GRM7: variants seen among roughly 807,000 people sequenced by gnomAD.
The protein encoded by GRM7 is metabotropic glutamate receptor 7.
In GRM7, 35 loss-of-function variants were observed where a neutral mutation model predicts 84.5. That is an observed-to-expected ratio of 0.41 (90% CI 0.32 to 0.55). GRM7 has a LOEUF of 0.55. Among genes scored for constraint, GRM7 ranks in the 20% least tolerant of loss-of-function variants. GRM7 has a pLI of 0.19. For synonymous variants in GRM7, 487 were observed against 455.1 expected (o/e 1.07, Z -0.89); for missense variants, 1,003 against 1,194.6 (o/e 0.84, Z 2.36).
At chr3:6,984,575 C>T (rs1337055583) in intron 1 of GRM7, among the ~76,000 whole-genome samples, 2 of 152,114 alleles carry the variant, frequency 1.3e-5, no homozygotes, top group African/African-American at 4.8e-5. Context: ...TTATGAATCA[C>T]CTTTTTTTCT....
At chr3:6,923,774 C>T (rs542145013) in intron 1 of GRM7, among the ~76,000 whole-genome samples, 1 of 152,216 alleles carries the variant, frequency 6.6e-6, no homozygotes, top group Admixed American at 6.5e-5. Flanking sequence ...CATAAAATTT[C>T]ATTTTGTCAT....
chr3:7,029,301 C>CAAA (rs57622634), intron 1 of GRM7, among the ~76,000 whole-genome samples: 55 of 55,200 alleles, frequency 1.0e-3, no homozygotes, highest in African/African-American at 2.2e-3. Flanking sequence ...GACTCTGCCT[C>CAAA]AAAAAAAAAA....
intron 1 of GRM7, among the ~76,000 whole-genome samples, chr3:6,871,986 T>G (rs1695138385): frequency 6.6e-6 from 1 of 151,858 alleles, no homozygotes; most frequent in Non-Finnish European, 1.5e-5. Flanking sequence ...CCTTTCCACA[T>G]CAGAGAACAC....
chr3:7,432,416 G>A (rs966267820), intron 5 of GRM7, among the ~76,000 whole-genome samples: 1 of 152,114 alleles, frequency 6.6e-6, no homozygotes, highest in Non-Finnish European at 1.5e-5. Flanking sequence ...TGCCTCCTGG[G>A]TTCAAGTGAT....
chr3:6,882,106 A>G (rs1057200520), intron 1 of GRM7, among the ~76,000 whole-genome samples: 3 of 152,122 alleles, frequency 2.0e-5, no homozygotes, highest in African/African-American at 7.2e-5. Context: ...GTAAAAACTG[A>G]AAGAAATTAT....
intron 1 of GRM7, among the ~76,000 whole-genome samples, chr3:6,940,531 A>G (rs912920249): frequency 3.4e-4 from 52 of 152,232 alleles, no homozygotes; most frequent in Non-Finnish European, 3.7e-4. Flanking sequence ...GTCATATTCA[A>G]TAAGAAACTT....
intron 8 of GRM7, among the ~76,000 whole-genome samples, chr3:7,603,897 G>T (rs148974897): frequency 6.6e-6 from 1 of 152,150 alleles, no homozygotes; most frequent in Non-Finnish European, 1.5e-5. Context: ...GCACACATTT[G>T]TATGGAATAA....
At position 7,036,704 on chromosome 3, in the gene GRM7, A is replaced by G. The variant is rs984960196; in HGVS notation, c.520-109748A>G. Among the ~76,000 whole-genome samples, 13 of 152,192 alleles carry G rather than the reference A, an allele frequency of 8.5e-5. No individual in the cohort carries two copies. In the East Asian group the frequency reaches 2.3e-3, roughly 27 times the overall value. ...GTCCCCAGTTTAACATAGAAATTAT[A>G]TAAAATTTTATTTTCTTTGCTACTG... On this transcript the variant is annotated intron_variant, in intron 1 of 9. Coordinates refer to ENST00000357716, the MANE Select transcript of GRM7 (RefSeq NM_000844.4).
chr3:7,599,888 T>C (rs1031546675), intron 8 of GRM7, among the ~76,000 whole-genome samples: 4 of 152,078 alleles, frequency 2.6e-5, no homozygotes, highest in Admixed American at 2.6e-4. Context: ...AGTGAGGACA[T>C]AGGCTATTGA....
At chr3:6,946,771 C>A (rs1055715983) in intron 1 of GRM7, among the ~76,000 whole-genome samples, 4 of 152,076 alleles carry the variant, frequency 2.6e-5, no homozygotes, top group African/African-American at 7.2e-5. Context: ...CCTTCACATC[C>A]CTTGTAAGTT....
chr3:7,340,829 A>G (rs536804292), intron 4 of GRM7, among the ~76,000 whole-genome samples: 1 of 152,260 alleles, frequency 6.6e-6, no homozygotes, highest in East Asian at 1.9e-4. Flanking sequence ...TTCTGTCACA[A>G]AAGCCAGCTT....
intron 7 of GRM7, among the ~76,000 whole-genome samples, chr3:7,527,582 G>A (rs1337207329): frequency 6.6e-6 from 1 of 151,980 alleles, no homozygotes; most frequent in African/African-American, 2.4e-5. Flanking sequence ...GAGTGAGAGA[G>A]TAGACATCCT....
At chr3:7,611,916 C>G (rs929573918) in intron 8 of GRM7, among the ~76,000 whole-genome samples, 1 of 152,130 alleles carries the variant, frequency 6.6e-6, no homozygotes, top group Non-Finnish European at 1.5e-5. Context: ...ATGAACAAAT[C>G]TGTAAAAATT....
intron 2 of GRM7, among the ~76,000 whole-genome samples, chr3:7,176,085 A>G (rs1195353174): frequency 6.6e-6 from 1 of 152,010 alleles, no homozygotes; most frequent in Non-Finnish European, 1.5e-5. Flanking sequence ...GTGATATAGA[A>G]CCTTAAAGAG....
At chr3:7,233,813 T>C (rs114998816) in intron 2 of GRM7, among the ~76,000 whole-genome samples, 1,829 of 152,212 alleles carry the variant, frequency 0.012, 23 homozygotes, top group Admixed American at 0.023. Flanking sequence ...CCATGGAATG[T>C]CTAGGCTGGA....
rs549754978 is a variant in GRM7, at chr3:7,300,884, G to A, written c.878+2059G>A. 5.9e-5 allele frequency among the ~76,000 whole-genome samples: 9 copies of A among 152,146 alleles called. No individual in the cohort carries two copies. The East Asian group carries it at 7.7e-4, about 13-fold the overall frequency. On this transcript the variant is annotated intron_variant, in intron 3 of 9. Transcript: ENST00000357716. ...TTAGGGCAGAAATGATGCTTCTTTC[G>A]ACTTGCTTTTGTACTGTCAATAACT...
chr3:7,610,638 A>C (rs1327599385), intron 8 of GRM7, among the ~76,000 whole-genome samples: 3 of 152,202 alleles, frequency 2.0e-5, no homozygotes, highest in Non-Finnish European at 2.9e-5. Context: ...CAAAGGTGGC[A>C]AAATGGATTA....
At chr3:7,063,696 C>T (rs537144879) in intron 1 of GRM7, among the ~76,000 whole-genome samples, 4 of 149,618 alleles carry the variant, frequency 2.7e-5, no homozygotes, top group Admixed American at 6.7e-5. Flanking sequence ...AACTAATTGG[C>T]TCATAGGTGA....
intron 4 of GRM7, among the ~76,000 whole-genome samples, chr3:7,350,007 C>T (rs2125089848): frequency 6.6e-6 from 1 of 152,112 alleles, no homozygotes; most frequent in East Asian, 1.9e-4. Context: ...TTCTTGACTT[C>T]CACCTGTGTT....
Sources: gnomAD v4.1 joint callset for allele counts (sites outside exome capture counted in the v4.1 genomes callset) on GRCh38, gnomAD v4.1.1 for gene constraint, MANE v1.5 for transcripts, NCBI Gene and HGNC (gene_info 2026-07-23, HGNC 2026-07-21) for gene names.